The following TMEM201 variants were observed in gnomAD, a reference collection of about 807,000 sequenced individuals.
TMEM201 encodes the protein transmembrane protein 201.
A neutral mutation model predicts 63.4 loss-of-function variants in TMEM201; 26 were observed. The observed-to-expected ratio is 0.41, with a 90% CI of 0.30 to 0.57. TMEM201 has a LOEUF of 0.57. Among genes scored for constraint, TMEM201 ranks in the 20% least tolerant of loss-of-function variants. The pLI, the probability that TMEM201 is intolerant of heterozygous loss-of-function variation, is 0.29. For synonymous variants in TMEM201, 417 were observed against 421.6 expected (o/e 0.99, Z 0.14); for missense variants, 794 against 917.7 (o/e 0.87, Z 1.74).
chr1:9,589,039 CGGA>C lies in TMEM201; in HGVS notation c.112_113+1del. 9 of 1,127,234 alleles carry C rather than the reference CGGA, an allele frequency of 8.0e-6. No homozygotes were observed. The highest frequency in any genetic ancestry group is 9.8e-6 in the Non-Finnish European group (9 of 918,520). 69.8% of individuals were successfully genotyped at this position (1,127,234 alleles called of 1,614,324 possible). ...CGGCGTGTTGCTCTACCGGATCGCG[CGGA>C]GGTGAGTGCATGGTTCGGCCCCACG... On this transcript the variant is annotated inframe_deletion and splice_region_variant, in exon 1 of 11. Transcript: ENST00000340381.
At chr1:9,595,482 T>G (rs1644000278) in intron 1 of TMEM201, among the ~76,000 whole-genome samples, 7 of 152,020 alleles carry the variant, frequency 4.6e-5, no homozygotes, top group Admixed American at 4.6e-4. Context: ...TCGAACCTGG[T>G]CCCAGTCAGC....
intron 1 of TMEM201, among the ~76,000 whole-genome samples, chr1:9,594,243 C>T (rs1217684880): frequency 3.9e-5 from 6 of 152,364 alleles, no homozygotes; most frequent in Middle Eastern, 3.4e-3. Flanking sequence ...TCCGTTTCGT[C>T]GCTGGTCTGC....
rs529477894 is a variant in TMEM201, at chr1:9,610,545, C to A, written c.1505C>A (p.Pro502Gln). 5 of 1,546,554 alleles carry A rather than the reference C, an allele frequency of 3.2e-6. No homozygotes were observed. In the East Asian group the frequency reaches 1.2e-4, roughly 38 times the overall value. Residue 502 changes from proline (P) to glutamine (Q), a missense_variant, in exon 9 of 11, where the codon CCA becomes CAA. Transcript: ENST00000340381. This position sits in a 1 kb window ranked among gnomAD's most constrained non-coding sequence, Gnocchi z 4.9. ...CTGTCGGGGAGCTGCCCCTCCTCCCCACTCCCTTCCCCAGCGCCTTCCGTG... is the reference window on the plus strand; with the variant it reads ...CTGTCGGGGAGCTGCCCCTCCTCCCAACTCCCTTCCCCAGCGCCTTCCGTG... ...SLLSGSCPSS[P>Q]LPSPAPSVAG...
chr1:9,604,514 T>C lies in TMEM201; in HGVS notation c.1160+2242T>C. On this transcript the variant is annotated intron_variant, in intron 6 of 10. Coordinates refer to ENST00000340381, the MANE Select transcript of TMEM201 (RefSeq NM_001130924.3). The surrounding 1 kb of genome is among the most constrained non-coding windows in gnomAD (Gnocchi z 4.1). ...CAGGCACCACTGTGTTGTGGCTTGT[T>C]GACCGGGAATGTGTCACCCCTGCCA... is the stretch of plus-strand genomic sequence containing the variant. The C allele has an allele frequency of 5.1e-6, 5 of 985,404 alleles. No homozygotes were observed. Among genetic ancestry groups the C allele is most frequent in the Non-Finnish European group, 6.0e-6 (5 of 829,926 alleles). The allele number at this position is 985,404 out of a possible 1,614,324, so 61.0% of individuals were successfully genotyped here.
chr1:9,603,976 G>A lies in TMEM201; in HGVS notation c.1160+1704G>A. ...TCTGCAGTGAGGAGTTGGGGCGGGTGAGCCAAAGCGGCCCCCCATGGTGTC... is the reference window on the plus strand; with the variant it reads ...TCTGCAGTGAGGAGTTGGGGCGGGTAAGCCAAAGCGGCCCCCCATGGTGTC... On this transcript the variant is annotated intron_variant, in intron 6 of 10. Transcript: ENST00000340381. The surrounding 1 kb of genome is among the most constrained non-coding windows in gnomAD (Gnocchi z 4.5). 1 of 985,468 alleles carries A rather than the reference G, an allele frequency of 1.0e-6. No homozygotes were observed. Among genetic ancestry groups the A allele is most frequent in the Non-Finnish European group, 1.2e-6 (1 of 829,958 alleles). 61.0% of individuals were successfully genotyped at this position (985,468 alleles called of 1,614,324 possible).
intron 4 of TMEM201, among the ~76,000 whole-genome samples, chr1:9,599,428 G>A (rs1644093029): frequency 6.6e-6 from 1 of 151,240 alleles, no homozygotes; most frequent in Non-Finnish European, 1.5e-5. Flanking sequence ...TTATATTTTA[G>A]TAGAGACGAG....
In TMEM201 at chr1:9,590,481, G is replaced by A. The variant is rs1643901901; in HGVS notation, c.113+1438G>A. Among the ~76,000 whole-genome samples the A allele has an allele frequency of 2.6e-5, 4 of 152,178 alleles. No individual in the cohort carries two copies. The South Asian group carries it at 6.2e-4, about 24-fold the overall frequency. ...ACCTCCGTTGTGTTTATTGAGGCTG[G>A]ACTTGGACTGGGTGGCTCACTGTGC... On this transcript the variant is annotated intron_variant, in intron 1 of 10. Transcript: ENST00000340381.
chr1:9,611,448 T>C (rs1029877766), intron 9 of TMEM201, among the ~76,000 whole-genome samples: 2 of 152,248 alleles, frequency 1.3e-5, no homozygotes, highest in African/African-American at 4.8e-5. Context: ...CCCACCCATC[T>C]TGGCTTCCCA....
intron 10 of TMEM201, 67 bp from the exon 11 acceptor site, chr1:9,612,919 G>A: frequency 7.3e-7 from 1 of 1,376,022 alleles, no homozygotes; most frequent in Non-Finnish European, 1.0e-6. Flanking sequence ...ATGCTCTAGG[G>A]GGCTGCTCAG....
chr1:9,610,936 C>A lies in TMEM201; in HGVS notation c.1765+131C>A. ...CGCCTTCCCACCCTGGAGCTCTAGG[C>A]ACCCCATTCCGGCTCTGGTGACTTG... On this transcript the variant is annotated intron_variant, in intron 9 of 10. Transcript: ENST00000340381. This position sits in a 1 kb window ranked among gnomAD's most constrained non-coding sequence, Gnocchi z 4.9. 1 of 1,491,266 alleles carries A rather than the reference C, an allele frequency of 6.7e-7. No homozygotes were observed. The highest frequency in any genetic ancestry group is 9.0e-7 in the Non-Finnish European group (1 of 1,113,880). The allele number at this position is 1,491,266 out of a possible 1,614,324, so 92.4% of individuals were successfully genotyped here. A position where few individuals can be genotyped will look rare whatever the true frequency, so the allele number is the denominator to read the frequency against.
Position 9,611,765 on chromosome 1 carries a change from A to G in TMEM201, c.1778A>G (p.Lys593Arg). ...DVKHALDLRS[K>R]LERGSACSNR... ...CTTCTCTCTGCAGACCTGAGATCCA[A>G]GCTGGAAAGAGGCAGTGCCTGCAGC... The change falls in exon 10 of 11, where the codon AAG becomes AGG. Residue 593 changes from lysine to arginine, a missense_variant. By Grantham distance (26) the Lys-to-Arg change is conservative. Transcript: ENST00000340381. The G allele has an allele frequency of 1.3e-6, 2 of 1,551,284 alleles. No individual in the cohort carries two copies. Among genetic ancestry groups the G allele is most frequent in the Non-Finnish European group, 1.7e-6 (2 of 1,147,056 alleles).
chr1:9,593,646 C>T (rs564500955), intron 1 of TMEM201, among the ~76,000 whole-genome samples: 4 of 152,266 alleles, frequency 2.6e-5, no homozygotes, highest in East Asian at 1.9e-4. Context: ...CTGGGGTGGG[C>T]GGGGCTTCAT....
At chr1:9,602,294 G>GC (rs1644159616) in intron 6 of TMEM201, 22 bp downstream of exon 6, 6 of 1,609,112 alleles carry the variant, frequency 3.7e-6, no homozygotes, top group Non-Finnish European at 5.1e-6. Context: ...AGCCATGACT[G>GC]CGGGGGGAGG....
chr1:9,589,147 C>T, intron 1 of TMEM201, 104 bp downstream of exon 1: 3 of 393,576 alleles, frequency 7.6e-6, no homozygotes, highest in Non-Finnish European at 1.0e-5. Flanking sequence ...CCGGGCTGCC[C>T]GCGGGCGCGC....
chr1:9,603,809 T>G lies in TMEM201; in HGVS notation c.1160+1537T>G. The G allele has an allele frequency of 1.0e-6, 1 of 985,456 alleles. No homozygotes were observed. The highest frequency in any genetic ancestry group is 1.2e-6 in the Non-Finnish European group (1 of 829,938). The allele number at this position is 985,456 out of a possible 1,614,324, so 61.0% of individuals were successfully genotyped here. A position where few individuals can be genotyped will look rare whatever the true frequency, so the allele number is the denominator to read the frequency against. On this transcript the variant is annotated intron_variant, in intron 6 of 10. Transcript: ENST00000340381. The surrounding 1 kb of genome is among the most constrained non-coding windows in gnomAD (Gnocchi z 4.5). The stretch of plus-strand genomic sequence containing the variant: ...GGTGCATCGGGAGACCCTCGGGGGC[T>G]TCTGTGGCCTCTGTGCCCGATGACC...
chr1:9,595,149 C>G (rs1001507048), intron 1 of TMEM201, among the ~76,000 whole-genome samples: 8 of 152,206 alleles, frequency 5.3e-5, no homozygotes, highest in Admixed American at 1.3e-4. Flanking sequence ...CCACCCCTCC[C>G]CAGTCCCCCA....
intron 1 of TMEM201, among the ~76,000 whole-genome samples, chr1:9,592,572 C>G (rs1367767537): frequency 6.7e-6 from 1 of 149,512 alleles, no homozygotes; most frequent in Admixed American, 6.8e-5. Flanking sequence ...GGGCTCGCAC[C>G]TAGAACAGAG....
chr1:9,594,422 C>T (rs1224821935), intron 1 of TMEM201, among the ~76,000 whole-genome samples: 1 of 152,172 alleles, frequency 6.6e-6, no homozygotes, highest in African/African-American at 2.4e-5. Flanking sequence ...CCCCGCAGGG[C>T]CTGGTCCCAT....
intron 1 of TMEM201, among the ~76,000 whole-genome samples, chr1:9,594,705 G>C (rs1488140983): frequency 7.9e-5 from 12 of 152,198 alleles, no homozygotes; most frequent in Admixed American, 5.9e-4. Context: ...TGGCCAGCCC[G>C]ATGGGTTAGC....
Sources: allele counts gnomAD v4.1 joint callset (sites outside exome capture counted in the v4.1 genomes callset), GRCh38; gene constraint gnomAD v4.1.1; non-coding constraint Gnocchi (gnomAD v3.1); transcripts MANE v1.5; gene names NCBI Gene and HGNC (gene_info 2026-07-23, HGNC 2026-07-21).